ABCA3: variants seen among roughly 807,000 people sequenced by gnomAD.
The protein encoded by ABCA3 is phospholipid-transporting ATPase ABCA3.
ABCA3 carries 88 observed loss-of-function variants against 172.8 expected under a neutral mutation model. The ratio of observed to expected loss-of-function variants is 0.51; its 90% CI spans 0.43 to 0.61. The LOEUF (loss-of-function observed/expected upper bound fraction) is 0.61. ABCA3 is among the 20% of genes least tolerant of loss of function. The probability of loss-of-function intolerance (pLI) is 0.00; values close to 1 mark genes in which losing one functional copy is unlikely to be tolerated. For synonymous variants in ABCA3, 1,066 were observed against 983.8 expected, an observed-to-expected ratio of 1.08 and a Z score of -1.56; for missense variants, 2,164 against 2,301.0, an observed-to-expected ratio of 0.94 and a Z score of 1.22.
At chr16:2,316,134 T>G (rs1596858604) in intron 10 of ABCA3, among the ~76,000 whole-genome samples, 2 of 103,424 alleles carry the variant, frequency 1.9e-5, no homozygotes, top group Admixed American at 1.2e-4. Context: ...CTGGGAAACA[T>G]GGTGAGAAAA....
rs2093748057 is a variant in ABCA3, at chr16:2,334,217, C to T, written c.-538-4363G>A. Among the ~76,000 whole-genome samples, 3 of 151,970 alleles carry T rather than the reference C, an allele frequency of 2.0e-5. No homozygotes were observed. In the South Asian group the frequency reaches 6.2e-4, roughly 32 times the overall value. The stretch of plus-strand genomic sequence containing the variant: ...GACTCATTAGTTGGGACAGGAAGGA[C>T]ATTACAGGATCCTGGAGACAGACTG... On this transcript the variant is annotated intron_variant, in intron 1 of 32. Coordinates refer to ENST00000301732, the MANE Select transcript of ABCA3 (RefSeq NM_001089.3).
At position 2,298,524 on chromosome 16, in the gene ABCA3, G is replaced by C. The variant is rs145752658; in HGVS notation, c.1758C>G (p.Thr586=). 1.9e-6 allele frequency: 3 copies of C among 1,613,586 alleles called. No homozygotes were observed. Among genetic ancestry groups the C allele is most frequent in the African/African-American group, 1.3e-5 (1 of 74,908 alleles). The part of the protein sequence containing the change: ...LSMLTGLFPP[T]SGRAYISGYE... ...ACCCGCTGATGTATGCCCGTCCACTGGTGGGGGGAAAGAGACCTGGGGCCC... is the reference window on the plus strand; with the variant it reads ...ACCCGCTGATGTATGCCCGTCCACTCGTGGGGGGAAAGAGACCTGGGGCCC... Residue 586 remains threonine, a synonymous_variant, in exon 15 of 33, where the codon ACC becomes ACG. Coordinates refer to ENST00000301732, the MANE Select transcript of ABCA3 (RefSeq NM_001089.3).
In ABCA3 at chr16:2,317,642, G is replaced by C. The variant is rs1201143498; in HGVS notation, c.990+6C>G. 6.2e-7 allele frequency: 1 copy of C among 1,614,038 alleles called. No individual in the cohort carries two copies. The highest frequency in any genetic ancestry group is 1.7e-5 in the Admixed American group (1 of 60,034). ...CTCACCAGAGCCCCACCGACGCCAT[G>C]CTCACCTTGACACAGAAGAGCAGGG... On this transcript the variant is annotated splice_donor_region_variant and intron_variant, in intron 9 of 32. Coordinates refer to ENST00000301732, the MANE Select transcript of ABCA3 (RefSeq NM_001089.3).
At chr16:2,282,834 G>T (rs1216731098) in intron 26 of ABCA3, among the ~76,000 whole-genome samples, 1 of 141,842 alleles carries the variant, frequency 7.1e-6, no homozygotes, top group African/African-American at 2.7e-5. Context: ...CCGGGCACTG[G>T]GTGTCCCTGG....
Position 2,277,437 on chromosome 16 carries a change from T to C in ABCA3, c.4983+160A>G, listed in dbSNP as rs11866934. 3.4e-4 allele frequency among the ~76,000 whole-genome samples: 51 copies of C among 152,236 alleles called. No individual in the cohort carries two copies. Among genetic ancestry groups the C allele is most frequent in the African/African-American group, 1.2e-3 (50 of 41,542 alleles). On this transcript the variant is annotated intron_variant, in intron 32 of 32. Coordinates refer to ENST00000301732, the MANE Select transcript of ABCA3 (RefSeq NM_001089.3). This position sits in a 1 kb window ranked among gnomAD's most constrained non-coding sequence, Gnocchi z 5.3. Reference sequence around the variant, plus strand: ...CTTTTACCACTGATAATTTTGGATATAAAACCCCCAAACCAGCACGTATCA... The same window carrying C: ...CTTTTACCACTGATAATTTTGGATACAAAACCCCCAAACCAGCACGTATCA...
Position 2,297,471 on chromosome 16 carries a change from A to T in ABCA3, c.2121T>A (p.Leu707=). Residue 707 remains leucine (L), a synonymous_variant, in exon 17 of 33, where the codon CTT becomes CTA. Coordinates refer to ENST00000301732, the MANE Select transcript of ABCA3 (RefSeq NM_001089.3). This position sits in a 1 kb window ranked among gnomAD's most constrained non-coding sequence, Gnocchi z 5.6. ...TGGTGCGGTCACTTTTCTGCCGCTG[A>T]AGAAGATCCCAGATGGCCCTCCTGG... The part of the protein sequence containing the change: ...AISRRAIWDL[L]QRQKSDRTIV... The T allele has an allele frequency of 6.2e-7, 1 of 1,613,718 alleles. No individual in the cohort carries two copies. Among genetic ancestry groups the T allele is most frequent in the Non-Finnish European group, 8.5e-7 (1 of 1,180,004 alleles).
intron 18 of ABCA3, among the ~76,000 whole-genome samples, chr16:2,293,766 C>A (rs2093675682): frequency 6.6e-6 from 1 of 151,674 alleles, no homozygotes; most frequent in Non-Finnish European, 1.5e-5. Context: ...TGGTCTCGAT[C>A]TCCTGACCTC....
At chr16:2,303,836 C>T (rs2093693343) in intron 12 of ABCA3, 133 bp downstream of exon 12, 1 of 1,020,550 alleles carries the variant, frequency 9.8e-7, no homozygotes, top group Non-Finnish European at 1.5e-6. Flanking sequence ...TCCCTGTGCA[C>T]AGGGCAGGGT....
At chr16:2,319,076 C>T (rs145862010) in intron 8 of ABCA3, among the ~76,000 whole-genome samples, 1 of 152,156 alleles carries the variant, frequency 6.6e-6, no homozygotes. Context: ...AAAATGAGCC[C>T]CTAGCCAGGT....
intron 19 of ABCA3, 123 bp downstream of exon 19, chr16:2,292,017 G>A: frequency 1.3e-6 from 1 of 742,558 alleles, no homozygotes; most frequent in Non-Finnish European, 2.4e-6. Context: ...AGGTTGCGGT[G>A]AGCCGAGATC....
intron 10 of ABCA3, among the ~76,000 whole-genome samples, chr16:2,313,205 C>T (rs1028572325): frequency 3.3e-5 from 5 of 151,922 alleles, no homozygotes; most frequent in Admixed American, 6.6e-5. Flanking sequence ...GTTTTTGCAC[C>T]GTCACTACAA....
At chr16:2,323,808 C>T in intron 6 of ABCA3, 120 bp from the exon 7 acceptor site, 2 of 1,110,082 alleles carry the variant, frequency 1.8e-6, no homozygotes, top group East Asian at 2.3e-5. Flanking sequence ...ACTCCCCCGC[C>T]TCTGAGTATC....
chr16:2,324,092 C>G (rs915031734), intron 6 of ABCA3, among the ~76,000 whole-genome samples: 2 of 152,218 alleles, frequency 1.3e-5, no homozygotes, highest in African/African-American at 4.8e-5. Flanking sequence ...CTTTCCTTAA[C>G]TATCTTATTA....
intron 11 of ABCA3, 63 bp from the exon 12 acceptor site, chr16:2,304,213 GC>G (rs1014320409): frequency 2.0e-4 from 310 of 1,572,822 alleles, no homozygotes; most frequent in Non-Finnish European, 2.6e-4. Context: ...GGGACCCGAA[GC>G]CCCTGATGGC....
At position 2,285,128 on chromosome 16, in the gene ABCA3, C is replaced by T; in HGVS notation, c.3484-130G>A. The stretch of plus-strand genomic sequence containing the variant: ...TCAGCTGGCCCATGTCCATCAGCCC[C>T]ACAGGCCACGTCTGGCCCCCGCGGT... On this transcript the variant is annotated intron_variant, in intron 23 of 32. Coordinates refer to ENST00000301732, the MANE Select transcript of ABCA3 (RefSeq NM_001089.3). The surrounding 1 kb of genome is among the most constrained non-coding windows in gnomAD (Gnocchi z 4.7). 1 of 1,083,518 alleles carries T rather than the reference C, an allele frequency of 9.2e-7. No individual in the cohort carries two copies. Among genetic ancestry groups the T allele is most frequent in the Non-Finnish European group, 1.4e-6 (1 of 736,576 alleles). The allele number at this position is 1,083,518 out of a possible 1,614,324, so 67.1% of individuals were successfully genotyped here.
chr16:2,311,893 G>A (rs1364257560), intron 10 of ABCA3, among the ~76,000 whole-genome samples: 3 of 152,206 alleles, frequency 2.0e-5, no homozygotes, highest in Middle Eastern at 3.4e-3. Flanking sequence ...CTGAGTTCAG[G>A]CAATCCGCCC....
In ABCA3 at chr16:2,300,146, G is replaced by A. The variant is rs2093686697; in HGVS notation, c.1470C>T (p.Pro490=). ...VPQPWYFFIM[P]SYWCGKPRAV... ...CCCTTGGCTTCCCACACCAATAGGA[G>A]GGCTGGGAGGGAAGCAGACAGCTGT... Residue 490 remains proline (P), a splice_region_variant and synonymous_variant, in exon 13 of 33, where the codon CCC becomes CCT. Coordinates refer to ENST00000301732, the MANE Select transcript of ABCA3 (RefSeq NM_001089.3). The A allele has an allele frequency of 6.2e-7, 1 of 1,613,404 alleles. No homozygotes were observed. The highest frequency in any genetic ancestry group is 1.3e-5 in the African/African-American group (1 of 74,750).
In ABCA3 at chr16:2,304,074, C is replaced by T. The variant is rs1169478280; in HGVS notation, c.1362G>A (p.Gly454=). ...DDDFCFGQVL[G]MLLLDSVLYG... is the part of the protein sequence containing the mutation. ...AGAGCACAGAGTCCAGCAGCAGCAT[C>T]CCCAGCACCTGCCCGAAGCAGAAGT... is the stretch of plus-strand genomic sequence containing the variant. The change falls in exon 12 of 33, where the codon GGG becomes GGA. Residue 454 remains glycine (G), a synonymous_variant. Transcript: ENST00000301732. The T allele has an allele frequency of 3.1e-6, 5 of 1,614,058 alleles. No individual in the cohort carries two copies. In the South Asian group the frequency reaches 3.3e-5, roughly 11 times the overall value.
At chr16:2,317,989 C>T (rs1247193592) in intron 8 of ABCA3, among the ~76,000 whole-genome samples, 6 of 152,248 alleles carry the variant, frequency 3.9e-5, no homozygotes, top group African/African-American at 1.4e-4. Flanking sequence ...AGCCACTGCA[C>T]CCGGCCAGCC....
Sources: gnomAD v4.1 joint callset for allele counts (sites outside exome capture counted in the v4.1 genomes callset) on GRCh38, gnomAD v4.1.1 for gene constraint, Gnocchi (gnomAD v3.1) non-coding constraint, MANE v1.5 for transcripts, NCBI Gene and HGNC (gene_info 2026-07-23, HGNC 2026-07-21) for gene names.